Variants in RBPJ observed in about 807,000 individuals in gnomAD.
RBPJ encodes recombination signal binding protein for immunoglobulin kappa J region.
RBPJ carries 9 observed loss-of-function variants against 67.8 expected under a neutral mutation model. The ratio of observed to expected loss-of-function variants is 0.13; its 90% CI spans 0.08 to 0.23. The LOEUF (loss-of-function observed/expected upper bound fraction) is 0.23. RBPJ is among the 10% of genes least tolerant of loss of function. RBPJ has a pLI of 1.00. For missense variants in RBPJ, 305 were observed against 595.6 expected (o/e 0.51, Z 5.08); for synonymous variants, 198 against 203.3 (o/e 0.97, Z 0.22).
At chr4:26,109,491 T>TATATAC in the RBPJ span, among the ~76,000 whole-genome samples, 20 of 41,416 alleles carry the variant, frequency 4.8e-4, no homozygotes, top group Admixed American at 8.6e-4. Context: ...TATATATATA[T>TATATAC]ACACACACAC....
chr4:26,374,544 G>T (rs148565805), intron 1 of RBPJ, among the ~76,000 whole-genome samples: 1 of 150,900 alleles, frequency 6.6e-6, no homozygotes, highest in African/African-American at 2.4e-5. Flanking sequence ...GCACCATTTC[G>T]GCTCACTGCA....
At chr4:26,254,843 ATTTTTTTTTTTTTTTTTT>A (rs71643604) in intron 1 of RBPJ, among the ~76,000 whole-genome samples, 20 of 16,552 alleles carry the variant, frequency 1.2e-3, no homozygotes, top group South Asian at 7.5e-3. Context: ...ATGCCCAGCT[ATTTTTTTTTTTTTTTTTT>A]TTTTTTTTTT....
intron 1 of RBPJ, among the ~76,000 whole-genome samples, chr4:26,306,640 G>A (rs893740595): frequency 2.0e-4 from 30 of 151,536 alleles, no homozygotes; most frequent in East Asian, 1.5e-3. Context: ...TAGTAGAGGC[G>A]GGGTTTCATC....
At chr4:26,281,038 C>T (rs1205282541) in intron 1 of RBPJ, among the ~76,000 whole-genome samples, 1 of 152,026 alleles carries the variant, frequency 6.6e-6, no homozygotes, top group African/African-American at 2.4e-5. Flanking sequence ...AATTTGTAAA[C>T]ATTTGTGTTA....
chr4:26,237,287 A>G (rs1013501527), intron 1 of RBPJ, among the ~76,000 whole-genome samples: 1 of 152,142 alleles, frequency 6.6e-6, no homozygotes, highest in Non-Finnish European at 1.5e-5. Context: ...ATATAGTGCA[A>G]TGTTTTTCAA....
At chr4:26,255,127 G>A (rs1411522729) in intron 1 of RBPJ, among the ~76,000 whole-genome samples, 7 of 147,676 alleles carry the variant, frequency 4.7e-5, no homozygotes, top group Non-Finnish European at 1.0e-4. Context: ...CATCTAGGCC[G>A]GGCGTGGTGG....
intron 1 of RBPJ, among the ~76,000 whole-genome samples, chr4:26,313,563 A>T (rs538190751): frequency 6.6e-6 from 1 of 152,014 alleles, no homozygotes; most frequent in Non-Finnish European, 1.5e-5. Context: ...CCAGCTACTC[A>T]GGAGGCTGAG....
intron 1 of RBPJ, among the ~76,000 whole-genome samples, chr4:26,230,403 T>C (rs943570187): frequency 4.6e-5 from 7 of 152,246 alleles, no homozygotes; most frequent in Non-Finnish European, 8.8e-5. Context: ...TGTAATATGC[T>C]AGGCATTGTT....
rs1560212038 is a variant in RBPJ, at chr4:26,210,704, TTTCCTTCTTTCC to T, written c.-167+47094_-167+47105del. Reference sequence around the variant, plus strand: ...TTTCTTTCCTTTCTTTCTTTCTTTCTTTCCTTCTTTCCTTCTTTCTTTCCTTCTTTACTTCTT... The same window carrying T: ...TTTCTTTCCTTTCTTTCTTTCTTTCTTTCTTTCTTTCCTTCTTTACTTCTT... On this transcript the variant is annotated intron_variant, in intron 1 of 4. Transcript: ENST00000512351. Among the ~76,000 whole-genome samples the T allele has an allele frequency of 2.1e-4, 23 of 109,824 alleles. 1 individual carries two copies. The highest frequency in any genetic ancestry group is 2.9e-4 in the Admixed American group (3 of 10,478). The allele number at this position is 109,824 out of a possible 152,430, so 72.0% of individuals were successfully genotyped here. A position where few individuals can be genotyped will look rare whatever the true frequency, so the allele number is the denominator to read the frequency against.
the RBPJ span, chr4:26,113,152 C>T: frequency 2.7e-5 from 6 of 224,884 alleles, no homozygotes; most frequent in African/African-American, 1.4e-4. Context: ...AAAGATTCCC[C>T]ATGAATATAA....
At chr4:26,214,931 AGGAG>A (rs1160273712) in intron 1 of RBPJ, among the ~76,000 whole-genome samples, 19 of 124,784 alleles carry the variant, frequency 1.5e-4, no homozygotes, top group African/African-American at 5.7e-4. Flanking sequence ...AAAGGAAGGA[AGGAG>A]GGAGGGAGGA....
At chr4:26,118,161 A>G in the RBPJ span, among the ~76,000 whole-genome samples, 2 of 152,246 alleles carry the variant, frequency 1.3e-5, no homozygotes, top group East Asian at 3.9e-4. Context: ...CTGACTGCCC[A>G]CAAGGTTTCA....
At position 26,233,005 on chromosome 4, in the gene RBPJ, G is replaced by C. The variant is rs1307692317; in HGVS notation, c.-167+69391G>C. Among the ~76,000 whole-genome samples the C allele has an allele frequency of 2.6e-5, 4 of 152,274 alleles. No individual in the cohort carries two copies. In the South Asian group the frequency reaches 8.3e-4, roughly 32 times the overall value. ...TAAAGTTCAAAAAGATAAATAATTG[G>C]ACCAAAGTCTCACATGCAGAGAGAG... On this transcript the variant is annotated intron_variant, in intron 1 of 4. Transcript: ENST00000512351.
the RBPJ span, among the ~76,000 whole-genome samples, chr4:26,124,133 G>A: frequency 2.0e-5 from 3 of 151,740 alleles, no homozygotes; most frequent in African/African-American, 7.3e-5. Flanking sequence ...CGATTTGTGA[G>A]ATTATGGGAC....
intron 7 of RBPJ, among the ~76,000 whole-genome samples, chr4:26,427,862 CAG>C (rs373798565): frequency 9.6e-4 from 146 of 152,316 alleles, no homozygotes; most frequent in African/African-American, 3.2e-3. Context: ...GAAAAGGAAA[CAG>C]AGTAAAAGTT....
At chr4:26,110,220 C>T in the RBPJ span, among the ~76,000 whole-genome samples, 2 of 152,156 alleles carry the variant, frequency 1.3e-5, no homozygotes, top group East Asian at 1.9e-4. The surrounding 1 kb of genome is among the most constrained non-coding windows in gnomAD (Gnocchi z 4.5). Flanking sequence ...TACTCCATCT[C>T]CTACCCCATT....
At chr4:26,320,440 C>A (rs1229284857), upstream of RBPJ, 2 of 366,766 alleles carry the variant, frequency 5.5e-6, no homozygotes, top group Admixed American at 4.3e-5. Flanking sequence ...TTGCCCGAAC[C>A]CCAGACATCT....
intron 1 of RBPJ, among the ~76,000 whole-genome samples, chr4:26,215,103 A>C (rs1208759943): frequency 1.7e-4 from 2 of 11,938 alleles, no homozygotes; most frequent in Non-Finnish European, 2.7e-4. Flanking sequence ...AAGAGAAAGA[A>C]AGAAAAAGAA....
chr4:26,187,495 G>C (rs1717315204), intron 1 of RBPJ, among the ~76,000 whole-genome samples: 1 of 151,996 alleles, frequency 6.6e-6, no homozygotes, highest in Non-Finnish European at 1.5e-5. Context: ...GTTATTGGTA[G>C]TACACAATTG....
Sources: gnomAD v4.1 joint callset for allele counts (sites outside exome capture counted in the v4.1 genomes callset) on GRCh38, gnomAD v4.1.1 for gene constraint, Gnocchi (gnomAD v3.1) non-coding constraint, MANE v1.5 for transcripts, NCBI Gene and HGNC (gene_info 2026-07-23, HGNC 2026-07-21) for gene names.